FAM227B: variants seen among roughly 807,000 people sequenced by gnomAD.
FAM227B encodes the protein protein FAM227B.
In FAM227B, 88 loss-of-function variants were observed where a neutral mutation model predicts 73.8. The ratio of observed to expected loss-of-function variants is 1.19; its 90% CI spans 1.00 to 1.42. FAM227B has a LOEUF of 1.42. Among genes scored for constraint, FAM227B ranks in the 40% most tolerant of loss-of-function variants. FAM227B has a pLI of 0.00. For synonymous variants in FAM227B, 210 were observed against 190.5 expected (o/e 1.10, Z -0.84); for missense variants, 632 against 590.9 (o/e 1.07, Z -0.72).
At chr15:49,521,220 C>G (rs1165735503) in intron 10 of FAM227B, among the ~76,000 whole-genome samples, 3 of 152,206 alleles carry the variant, frequency 2.0e-5, no homozygotes, top group Admixed American at 6.5e-5. Flanking sequence ...GGAACACACT[C>G]TGACTTTGGC....
chr15:49,594,080 A>G (rs1299280228), intron 3 of FAM227B, among the ~76,000 whole-genome samples: 1 of 152,052 alleles, frequency 6.6e-6, no homozygotes, highest in Admixed American at 6.5e-5. Context: ...CACCATATCC[A>G]CAACTATATT....
rs1179934205 is a variant in FAM227B, at chr15:49,371,295, T to A, written c.1110+7A>T. The A allele has an allele frequency of 1.3e-6, 2 of 1,539,242 alleles. No individual in the cohort carries two copies. The highest frequency in any genetic ancestry group is 2.7e-5 in the African/African-American group (2 of 72,958). Reference sequence around the variant, plus strand: ...AGAAATTTTTTCATAATTATTATACTCCAAACCTTTGTTGCTAGTCTTGAT... The same window carrying A: ...AGAAATTTTTTCATAATTATTATACACCAAACCTTTGTTGCTAGTCTTGAT... On this transcript the variant is annotated splice_region_variant and intron_variant, in intron 12 of 15. Coordinates refer to ENST00000299338, the MANE Select transcript of FAM227B (RefSeq NM_152647.3).
chr15:49,589,873 T>A lies in FAM227B; in HGVS notation c.240A>T (p.Ala80=). 2 of 1,607,514 alleles carry A rather than the reference T, an allele frequency of 1.2e-6. No homozygotes were observed. Among genetic ancestry groups the A allele is most frequent in the Non-Finnish European group, 1.7e-6 (2 of 1,174,040 alleles). ...LWENVPRIFE[A]LLIMESKLKE... ...TTAATTTTGATTCCATGATCAAAAGTGCTTCAAATATTCGAGGAACATTTT... is the reference window on the plus strand; with the variant it reads ...TTAATTTTGATTCCATGATCAAAAGAGCTTCAAATATTCGAGGAACATTTT... Residue 80 remains alanine (A), a synonymous_variant, in exon 4 of 16, where the codon GCA becomes GCT. Transcript: ENST00000299338.
chr15:49,482,292 T>C (rs2056023544), intron 11 of FAM227B, among the ~76,000 whole-genome samples: 1 of 152,074 alleles, frequency 6.6e-6, no homozygotes, highest in Non-Finnish European at 1.5e-5. Context: ...AAGATATATA[T>C]AATAAAGGAA....
intron 11 of FAM227B, among the ~76,000 whole-genome samples, chr15:49,422,169 C>T (rs1162016067): frequency 2.1e-4 from 26 of 122,218 alleles, no homozygotes; most frequent in East Asian, 1.0e-3. Flanking sequence ...TGTGTGCGCG[C>T]GCGCGCGCGT....
intron 2 of FAM227B, among the ~76,000 whole-genome samples, chr15:49,612,422 C>G (rs1044346007): frequency 2.0e-4 from 31 of 152,206 alleles, no homozygotes; most frequent in African/African-American, 7.5e-4. Context: ...GACATGAACT[C>G]ATCATTTTTT....
intron 11 of FAM227B, chr15:49,395,919 G>T: frequency 4.4e-6 from 2 of 455,884 alleles, no homozygotes; most frequent in Non-Finnish European, 4.4e-6. Context: ...TTAATTTAAG[G>T]CCCATGAATG....
At chr15:49,559,663 G>A (rs556010915) in intron 9 of FAM227B, among the ~76,000 whole-genome samples, 3 of 152,296 alleles carry the variant, frequency 2.0e-5, no homozygotes, top group South Asian at 4.1e-4. Context: ...TAGGCCGGGT[G>A]TGGTGGCTCA....
intron 11 of FAM227B, among the ~76,000 whole-genome samples, chr15:49,476,314 A>C (rs2055316625): frequency 6.6e-6 from 1 of 150,460 alleles, no homozygotes; most frequent in Non-Finnish European, 1.5e-5. Context: ...TACTAACTGA[A>C]TTTTTGTATA....
chr15:49,365,945 CAT>C (rs2045101411), intron 13 of FAM227B: 1 of 899,848 alleles, frequency 1.1e-6, no homozygotes, highest in Non-Finnish European at 1.9e-6. Flanking sequence ...GCTATCATAA[CAT>C]AAACTAACCA....
chr15:49,579,886 T>G (rs187481997), intron 5 of FAM227B, among the ~76,000 whole-genome samples: 1 of 152,302 alleles, frequency 6.6e-6, no homozygotes, highest in African/African-American at 2.4e-5. Flanking sequence ...AAATATCACA[T>G]GTACCCTGTA....
At chr15:49,431,899 G>A (rs1357327576) in intron 11 of FAM227B, among the ~76,000 whole-genome samples, 1 of 151,488 alleles carries the variant, frequency 6.6e-6, no homozygotes. Context: ...AAATGCTGGG[G>A]GTTGGATTTA....
intron 11 of FAM227B, among the ~76,000 whole-genome samples, chr15:49,456,217 C>T (rs2053271359): frequency 6.6e-6 from 1 of 151,980 alleles, no homozygotes; most frequent in African/African-American, 2.4e-5. Flanking sequence ...ATTTTTTACC[C>T]TATTTCCCTC....
At chr15:49,572,776 C>CT (rs1472920815) in intron 8 of FAM227B, among the ~76,000 whole-genome samples, 2 of 152,070 alleles carry the variant, frequency 1.3e-5, no homozygotes, top group Non-Finnish European at 2.9e-5. Context: ...GGACTCAAGT[C>CT]AAGTAATGAG....
At chr15:49,409,706 G>T (rs2048750290) in intron 11 of FAM227B, among the ~76,000 whole-genome samples, 1 of 152,006 alleles carries the variant, frequency 6.6e-6, no homozygotes, top group African/African-American at 2.4e-5. Context: ...GTTTGCTGGA[G>T]AACTGAAGTC....
intron 11 of FAM227B, among the ~76,000 whole-genome samples, chr15:49,385,969 G>A (rs1007634739): frequency 7.2e-5 from 11 of 151,846 alleles, no homozygotes; most frequent in Non-Finnish European, 1.3e-4. Flanking sequence ...AAATTTATAT[G>A]TACCAAACAC....
At chr15:49,599,150 T>C (rs1424730484) in intron 3 of FAM227B, among the ~76,000 whole-genome samples, 1 of 152,082 alleles carries the variant, frequency 6.6e-6, no homozygotes, top group Non-Finnish European at 1.5e-5. Context: ...GATTTTCTAT[T>C]TTTCATGATC....
chr15:49,349,925 CAAAAT>C lies in FAM227B; in HGVS notation c.1272-14434_1272-14430del, dbSNP rs200488413. On this transcript the variant is annotated intron_variant, in intron 13 of 15. Transcript: ENST00000299338. ...AAGGGGAAAAAAAATCCAACCAAAA[CAAAAT>C]GAGAGGGAGAATTTAAGAATTTAGA... is the stretch of plus-strand genomic sequence containing the variant. 5.6e-3 allele frequency among the ~76,000 whole-genome samples: 858 copies of C among 152,026 alleles called. 5 individuals are homozygous for C. Among genetic ancestry groups the C allele is most frequent in the African/African-American group, 0.02 (817 of 41,482 alleles).
At chr15:49,367,638 C>T (rs779900462) in intron 12 of FAM227B, 30 bp from the exon 13 acceptor site, 17 of 1,523,226 alleles carry the variant, frequency 1.1e-5, no homozygotes, top group South Asian at 1.3e-5. Flanking sequence ...ATCAAGACAA[C>T]GATTACTTTT....
Sources: gnomAD v4.1 joint callset for allele counts (sites outside exome capture counted in the v4.1 genomes callset) on GRCh38, gnomAD v4.1.1 for gene constraint, MANE v1.5 for transcripts, NCBI Gene and HGNC (gene_info 2026-07-23, HGNC 2026-07-21) for gene names.